Variants in TEX2 observed in about 807,000 individuals in gnomAD.
TEX2 encodes the protein testis-expressed protein 2.
In TEX2, 53 loss-of-function variants were observed where a neutral mutation model predicts 106.9. The ratio of observed to expected loss-of-function variants is 0.50; its 90% CI spans 0.40 to 0.62. TEX2 has a LOEUF of 0.62. Among genes scored for constraint, TEX2 ranks in the 20% least tolerant of loss-of-function variants. The pLI, the probability that TEX2 is intolerant of heterozygous loss-of-function variation, is 0.00. For missense variants in TEX2, 1,207 were observed against 1,379.0 expected, an observed-to-expected ratio of 0.88 and a Z score of 1.98; for synonymous variants, 523 against 534.8, an observed-to-expected ratio of 0.98 and a Z score of 0.30.
intron 4 of TEX2, among the ~76,000 whole-genome samples, chr17:64,191,016 A>G (rs1368075829): frequency 6.6e-6 from 1 of 152,218 alleles, no homozygotes; most frequent in Non-Finnish European, 1.5e-5. Context: ...GTAGTCACTG[A>G]TTCAGAGATG....
intron 1 of TEX2, 70 bp from the exon 2 acceptor site, chr17:64,214,312 T>G: frequency 1.5e-6 from 2 of 1,322,036 alleles, no homozygotes; most frequent in Non-Finnish European, 1.1e-6. Flanking sequence ...CATTCGCAGA[T>G]AGGAGCACAG....
chr17:64,155,037 A>G (rs1473624931), intron 8 of TEX2, 70 bp from the exon 9 acceptor site: 3 of 1,442,136 alleles, frequency 2.1e-6, no homozygotes, highest in Non-Finnish European at 2.7e-6. Flanking sequence ...GAACACACAC[A>G]CCCATGCACA....
chr17:64,192,326 T>G (rs1285026789), intron 4 of TEX2, among the ~76,000 whole-genome samples: 2 of 152,252 alleles, frequency 1.3e-5, no homozygotes, highest in Non-Finnish European at 2.9e-5. Context: ...TAATCCCATA[T>G]GACTGGTGTC....
chr17:64,208,600 A>AT (rs1283418849), intron 2 of TEX2, among the ~76,000 whole-genome samples: 88 of 151,198 alleles, frequency 5.8e-4, no homozygotes, highest in Admixed American at 3.0e-3. Flanking sequence ...ATTAAACCCT[A>AT]TTTTTTTTAA....
intron 4 of TEX2, 139 bp downstream of exon 4, chr17:64,193,420 G>A (rs960859995): frequency 2.5e-5 from 16 of 631,060 alleles, no homozygotes; most frequent in African/African-American, 1.9e-4. Context: ...AATGAGTCAT[G>A]AGAATGCACA....
At chr17:64,188,749 GA>G (rs1459197647) in intron 4 of TEX2, among the ~76,000 whole-genome samples, 2 of 151,112 alleles carry the variant, frequency 1.3e-5, no homozygotes, top group African/African-American at 4.9e-5. Context: ...CCAGGAGGTG[GA>G]GCTTGCAGTG....
At chr17:64,209,742 G>T (rs2032939832) in intron 2 of TEX2, among the ~76,000 whole-genome samples, 1 of 152,184 alleles carries the variant, frequency 6.6e-6, no homozygotes, top group African/African-American at 2.4e-5. Flanking sequence ...ATCTGCATGA[G>T]CACATATACG....
In TEX2 at chr17:64,153,410, T is replaced by TG. The variant is rs1194380502; in HGVS notation, c.2931-257dup. Reference sequence around the variant, plus strand: ...TTGCCAGACATCGGCAAATGTCCTCTGGGGGGCCAAATCACCCCCAGTTGA... The same window carrying TG: ...TTGCCAGACATCGGCAAATGTCCTCTGGGGGGGCCAAATCACCCCCAGTTGA... On this transcript the variant is annotated intron_variant, in intron 9 of 11. Transcript: ENST00000584379. This position sits in a 1 kb window ranked among gnomAD's most constrained non-coding sequence, Gnocchi z 4.1. 7.0e-6 allele frequency among the ~76,000 whole-genome samples: 1 copy of TG among 143,368 alleles called. No homozygotes were observed. The highest frequency in any genetic ancestry group is 7.0e-5 in the Admixed American group (1 of 14,322). The allele number at this position is 143,368 out of a possible 152,430, so 94.1% of individuals were successfully genotyped here. A position where few individuals can be genotyped will look rare whatever the true frequency, so the allele number is the denominator to read the frequency against.
At chr17:64,196,095 G>A (rs1207702346) in intron 2 of TEX2, among the ~76,000 whole-genome samples, 1 of 152,234 alleles carries the variant, frequency 6.6e-6, no homozygotes, top group African/African-American at 2.4e-5. Flanking sequence ...CTAAGTATTT[G>A]AGTCTCACAC....
chr17:64,199,517 G>A (rs571322551), intron 2 of TEX2, among the ~76,000 whole-genome samples: 17 of 152,314 alleles, frequency 1.1e-4, no homozygotes, highest in Admixed American at 1.0e-3. Context: ...GATTACAGGC[G>A]TGAGCCACTG....
intron 1 of TEX2, among the ~76,000 whole-genome samples, chr17:64,254,677 A>G (rs1555637445): frequency 1.3e-5 from 2 of 152,252 alleles, no homozygotes; most frequent in African/African-American, 4.8e-5. Context: ...GTCCTGTTTC[A>G]TGCTACAAGT....
chr17:64,232,116 G>A (rs1427568264), intron 1 of TEX2, among the ~76,000 whole-genome samples: 1 of 152,124 alleles, frequency 6.6e-6, no homozygotes, highest in African/African-American at 2.4e-5. Context: ...CATATACATC[G>A]TAATACAAAA....
chr17:64,168,893 T>G (rs1598131933), intron 7 of TEX2, among the ~76,000 whole-genome samples: 1 of 133,484 alleles, frequency 7.5e-6, no homozygotes, highest in East Asian at 2.2e-4. Context: ...AGTGAACACA[T>G]AGATGGTGCT....
At chr17:64,240,591 GA>G (rs2033869636) in intron 1 of TEX2, among the ~76,000 whole-genome samples, 1 of 152,178 alleles carries the variant, frequency 6.6e-6, no homozygotes, top group Admixed American at 6.5e-5. Flanking sequence ...GCAAGTGACA[GA>G]AACTTTCTGA....
At position 64,214,133 on chromosome 17, in the gene TEX2, C is replaced by T. The variant is rs367869807; in HGVS notation, c.85G>A (p.Val29Met). 30 of 1,614,066 alleles carry T rather than the reference C, an allele frequency of 1.9e-5. 2 individuals carry two copies. The highest frequency in any genetic ancestry group is 3.3e-4 in the Middle Eastern group (2 of 6,084). The change falls in exon 2 of 12, where the codon GTG becomes ATG. Residue 29 changes from valine to methionine, a missense_variant. Val to Met is a conservative substitution (Grantham distance 21, BLOSUM62 1). Around this residue, in one of 3 missense-constraint regions of TEX2, gnomAD observed 1,067 missense variants for 1,193.6 expected, o/e 0.89. Transcript: ENST00000584379. The stretch of plus-strand genomic sequence containing the variant: ...TGAATGGCGATGGTATCTCGGGACA[C>T]GGACCTCTGCACGTGCACTTTAGGG... ...SAPKVHVQRS[V>M]SRDTIAIHFS...
chr17:64,168,814 G>A (rs1381476732), intron 7 of TEX2, among the ~76,000 whole-genome samples: 1 of 152,050 alleles, frequency 6.6e-6, no homozygotes, highest in Non-Finnish European at 1.5e-5. Flanking sequence ...GAATAGAGAG[G>A]CCACCTGAGT....
chr17:64,163,951 G>A lies in TEX2; in HGVS notation c.2672-3018C>T, dbSNP rs534755144. Among the ~76,000 whole-genome samples the A allele has an allele frequency of 1.3e-4, 20 of 152,330 alleles. No homozygotes were observed. In the South Asian group the frequency reaches 3.1e-3, roughly 24 times the overall value. ...TCTATAACCATGTGCCCTGGCTGGT[G>A]CTCAAGAACAAAACCAGAAATTGAG... On this transcript the variant is annotated intron_variant, in intron 7 of 11. Transcript: ENST00000584379.
chr17:64,188,316 G>C lies in TEX2; in HGVS notation c.2276C>G (p.Pro759Arg). The C allele has an allele frequency of 6.2e-7, 1 of 1,614,170 alleles. No homozygotes were observed. The change falls in exon 5 of 12, where the codon CCA (proline) becomes CGA (arginine). Residue 759 changes from proline (P) to arginine (R), a missense_variant. Physicochemically the swap from Pro to Arg is moderately radical, Grantham distance 103. This residue lies in a region of TEX2 where 1,067 missense variants were observed against 1,193.6 expected (regional missense o/e 0.89). Coordinates refer to ENST00000584379, the MANE Select transcript of TEX2 (RefSeq NM_001288732.2). Reference sequence around the variant, plus strand: ...GCTGCCTGCCAGCTCCTTCTGCTTTGGCTGTGACATGATCTCCTCCACACT... The same window carrying C: ...GCTGCCTGCCAGCTCCTTCTGCTTTCGCTGTGACATGATCTCCTCCACACT... ...KGSVEEIMSQ[P>R]KQKELAGSVR...
intron 7 of TEX2, among the ~76,000 whole-genome samples, chr17:64,169,971 C>T (rs1434631051): frequency 6.6e-6 from 1 of 152,172 alleles, no homozygotes; most frequent in Non-Finnish European, 1.5e-5. Context: ...GCTATTCTGG[C>T]CTACCTGGCT....
Sources: gnomAD v4.1 joint callset for allele counts (sites outside exome capture counted in the v4.1 genomes callset) on GRCh38, gnomAD v4.1.1 for gene constraint, gnomAD v4.1.1 regional missense constraint, Gnocchi (gnomAD v3.1) non-coding constraint, MANE v1.5 for transcripts, NCBI Gene and HGNC (gene_info 2026-07-23, HGNC 2026-07-21) for gene names.